Variants in THEMIS observed in about 807,000 individuals in gnomAD.
THEMIS encodes thymocyte selection associated.
Under a neutral mutation model 52.6 loss-of-function variants are expected in THEMIS, and 37 were observed. The ratio of observed to expected loss-of-function variants is 0.70; its 90% CI spans 0.54 to 0.93. The LOEUF is 0.93. THEMIS is among the 40% of genes least tolerant of loss of function. The pLI, the probability that THEMIS is intolerant of heterozygous loss-of-function variation, is 0.00. For missense variants in THEMIS, 808 were observed against 763.1 expected, an observed-to-expected ratio of 1.06 and a Z score of -0.69; for synonymous variants, 292 against 272.7, an observed-to-expected ratio of 1.07 and a Z score of -0.70.
At chr6:127,894,728 T>C (rs1233481339) in intron 1 of THEMIS, among the ~76,000 whole-genome samples, 3 of 151,632 alleles carry the variant, frequency 2.0e-5, no homozygotes, top group Non-Finnish European at 3.0e-5. Context: ...CCATGTTTAG[T>C]AGGTCATCCA....
chr6:127,726,669 T>C (rs1490981007), intron 4 of THEMIS, among the ~76,000 whole-genome samples: 4 of 152,166 alleles, frequency 2.6e-5, no homozygotes, highest in Non-Finnish European at 5.9e-5. Context: ...TTGATTTATG[T>C]TGATTTAATC....
chr6:127,900,842 C>T lies in THEMIS; in HGVS notation c.91G>A (p.Gly31Ser). Residue 31 changes from glycine (G) to serine (S), a missense_variant and splice_region_variant, in exon 1 of 6, where the codon GGC (glycine) becomes AGC (serine). Transcript: ENST00000368248. ...AGTAAAGGTATTGGAGAGTGCTTACCTTCAAGATAGATGCCTGCCTGGATT... is the reference window on the plus strand; with the variant it reads ...AGTAAAGGTATTGGAGAGTGCTTACTTTCAAGATAGATGCCTGCCTGGATT... Reference protein sequence around the residue: ...LEIQAGIYLEGSIYEMFGNEC... With the variant: ...LEIQAGIYLESSIYEMFGNEC... 6.2e-7 allele frequency: 1 copy of T among 1,612,580 alleles called. No individual in the cohort carries two copies. Among genetic ancestry groups the T allele is most frequent in the Non-Finnish European group, 8.5e-7 (1 of 1,178,938 alleles).
chr6:127,716,291 G>A (rs770601336), intron 5 of THEMIS, among the ~76,000 whole-genome samples: 1 of 151,832 alleles, frequency 6.6e-6, no homozygotes, highest in Non-Finnish European at 1.5e-5. Context: ...CCCCTGTTTA[G>A]CCAGGAAGAT....
intron 4 of THEMIS, among the ~76,000 whole-genome samples, chr6:127,795,134 A>G (rs1453442047): frequency 1.3e-5 from 2 of 152,234 alleles, no homozygotes; most frequent in Admixed American, 1.3e-4. Context: ...GATATCTCCC[A>G]CGAGTTTATA....
intron 1 of THEMIS, 102 bp from the exon 2 acceptor site, chr6:127,855,290 C>G: frequency 1.1e-6 from 1 of 928,056 alleles, no homozygotes; most frequent in Non-Finnish European, 1.5e-6. Flanking sequence ...CAGTTCCTCT[C>G]TTAGCTACCT....
At chr6:127,720,342 C>T (rs918680220) in intron 4 of THEMIS, among the ~76,000 whole-genome samples, 3 of 151,816 alleles carry the variant, frequency 2.0e-5, no homozygotes, top group African/African-American at 7.3e-5. Flanking sequence ...AGTAATAATT[C>T]ATCATAACAA....
intron 4 of THEMIS, among the ~76,000 whole-genome samples, chr6:127,772,400 T>C (rs1776417786): frequency 6.6e-6 from 1 of 152,138 alleles, no homozygotes; most frequent in Admixed American, 6.5e-5. Flanking sequence ...ATTTATTGGT[T>C]ATTTAGATTT....
At chr6:127,702,715 T>C in the THEMIS span, among the ~76,000 whole-genome samples, 1 of 151,850 alleles carries the variant, frequency 6.6e-6, no homozygotes, top group Non-Finnish European at 1.5e-5. Context: ...CAAAAGAAAG[T>C]GGTTTATTGG....
At chr6:127,898,910 T>C (rs1781051622) in intron 1 of THEMIS, among the ~76,000 whole-genome samples, 2 of 151,654 alleles carry the variant, frequency 1.3e-5, no homozygotes, top group African/African-American at 2.4e-5. Context: ...TTGTGGGAGC[T>C]AAAAAAATTG....
At position 127,708,760 on chromosome 6, in the gene THEMIS, T is replaced by A. The variant is rs1288803662; in HGVS notation, c.*1225A>T. 2.0e-5 allele frequency: 3 copies of A among 152,070 alleles called. No individual in the cohort carries two copies. The highest frequency in any genetic ancestry group is 4.1e-4 in the South Asian group (2 of 4,832). 9.4% of individuals were successfully genotyped at this position (152,070 alleles called of 1,614,324 possible). ...TACTTAGAAAAAATGTAAGGTAAAG[T>A]AAGCTTAATCAGAATATAAACATTG... On this transcript the variant is annotated 3_prime_UTR_variant, in exon 6 of 6. Transcript: ENST00000368248.
chr6:127,810,484 C>A (rs2114595529), intron 4 of THEMIS, among the ~76,000 whole-genome samples: 1 of 152,250 alleles, frequency 6.6e-6, no homozygotes, highest in East Asian at 1.9e-4. Context: ...AAGAAAAGGG[C>A]TTGGGGAAAG....
At chr6:127,703,043 T>TG in the THEMIS span, among the ~76,000 whole-genome samples, 1 of 107,986 alleles carries the variant, frequency 9.3e-6, no homozygotes, top group African/African-American at 3.6e-5. Context: ...GAGTTTTTTT[T>TG]TTTTTTTTTT....
chr6:127,808,658 A>G (rs931202427), intron 4 of THEMIS, among the ~76,000 whole-genome samples: 1 of 152,184 alleles, frequency 6.6e-6, no homozygotes, highest in Non-Finnish European at 1.5e-5. Flanking sequence ...TTCACATAAA[A>G]TCTCATAGGT....
intron 4 of THEMIS, among the ~76,000 whole-genome samples, chr6:127,751,164 G>T (rs1261870800): frequency 6.6e-6 from 1 of 151,674 alleles, no homozygotes; most frequent in Non-Finnish European, 1.5e-5. Flanking sequence ...ATAATAAATT[G>T]TTAATAGAAA....
At chr6:127,702,791 A>G in the THEMIS span, among the ~76,000 whole-genome samples, 22 of 152,100 alleles carry the variant, frequency 1.4e-4, no homozygotes, top group Non-Finnish European at 2.4e-4. Flanking sequence ...CACATCTCAC[A>G]TAGTGGCAGA....
At chr6:127,900,660 T>C (rs1331852320) in intron 1 of THEMIS, among the ~76,000 whole-genome samples, 182 bp downstream of exon 1, 1 of 152,050 alleles carries the variant, frequency 6.6e-6, no homozygotes, top group East Asian at 1.9e-4. Flanking sequence ...CTGTCTAGTT[T>C]CTCCCCTCTC....
At chr6:127,707,030 G>A (rs1223732666), downstream of THEMIS, among the ~76,000 whole-genome samples, 1 of 152,070 alleles carries the variant, frequency 6.6e-6, no homozygotes, top group Non-Finnish European at 1.5e-5. Context: ...TGGCAGAAGG[G>A]GAAGCAAACA....
At chr6:127,821,043 A>T (rs1778321761) in intron 3 of THEMIS, among the ~76,000 whole-genome samples, 1 of 151,998 alleles carries the variant, frequency 6.6e-6, no homozygotes, top group African/African-American at 2.4e-5. Flanking sequence ...GCATGCTTTT[A>T]TAGAAATATT....
intron 4 of THEMIS, among the ~76,000 whole-genome samples, chr6:127,773,690 A>G (rs1776461845): frequency 6.6e-6 from 1 of 152,200 alleles, no homozygotes. Flanking sequence ...CAAAAAACCT[A>G]AAGTATATAA....
Sources: allele counts gnomAD v4.1 joint callset (sites outside exome capture counted in the v4.1 genomes callset), GRCh38; gene constraint gnomAD v4.1.1; transcripts MANE v1.5; gene names NCBI Gene and HGNC (gene_info 2026-07-23, HGNC 2026-07-21).